The following ASCC3 variants were observed in gnomAD, a reference collection of about 807,000 sequenced individuals.
ASCC3 encodes activating signal cointegrator 1 complex subunit 3, also known as ASC-1 complex subunit P200.
A neutral mutation model predicts 256.3 loss-of-function variants in ASCC3; 158 were observed. That is an observed-to-expected ratio of 0.62 (90% CI 0.54 to 0.70). The LOEUF is 0.70. Ranked by LOEUF, ASCC3 falls within the 30% of genes least tolerant of loss-of-function variation. ASCC3 has a pLI of 0.00. For synonymous variants in ASCC3, 948 were observed against 883.4 expected, an observed-to-expected ratio of 1.07 and a Z score of -1.30; for missense variants, 2,259 against 2,626.0, an observed-to-expected ratio of 0.86 and a Z score of 3.05.
intron 8 of ASCC3, among the ~76,000 whole-genome samples, chr6:100,794,912 C>T (rs991737504): frequency 2.6e-5 from 4 of 151,990 alleles, no homozygotes; most frequent in African/African-American, 7.2e-5. Flanking sequence ...GAGTTTCTCA[C>T]CAAAAATATC....
chr6:100,803,540 T>G (rs1476421106), intron 5 of ASCC3, among the ~76,000 whole-genome samples: 1 of 152,132 alleles, frequency 6.6e-6, no homozygotes, highest in Non-Finnish European at 1.5e-5. Context: ...TTACCCAGTC[T>G]CAGGTAGTAT....
chr6:100,755,925 T>A (rs11155638), intron 10 of ASCC3, among the ~76,000 whole-genome samples: 70,995 of 151,806 alleles, frequency 0.47, 16,759 homozygotes, highest in South Asian at 0.6. Context: ...CAAACCTTTT[T>A]TGTAAAAAAA....
intron 4 of ASCC3, among the ~76,000 whole-genome samples, chr6:100,817,327 A>C (rs1770802001): frequency 6.6e-6 from 1 of 151,828 alleles, no homozygotes; most frequent in Non-Finnish European, 1.5e-5. Context: ...ATAAAGAAAA[A>C]GTGAGATCTC....
At chr6:100,836,973 C>T (rs1350821449) in intron 4 of ASCC3, among the ~76,000 whole-genome samples, 4 of 151,890 alleles carry the variant, frequency 2.6e-5, no homozygotes, top group Non-Finnish European at 5.9e-5. Flanking sequence ...GTAGGGTTTA[C>T]GTGTTTAGGA....
intron 13 of ASCC3, among the ~76,000 whole-genome samples, chr6:100,707,377 T>C (rs1300092417): frequency 6.6e-6 from 1 of 151,922 alleles, no homozygotes; most frequent in South Asian, 2.1e-4. Context: ...AGATAAACTA[T>C]AGGAATAAAA....
Position 100,576,418 on chromosome 6 carries a change from A to G in ASCC3, c.5550+13216T>C, listed in dbSNP as rs575772312. Among the ~76,000 whole-genome samples, 233 of 152,186 alleles carry G rather than the reference A, an allele frequency of 1.5e-3. 1 individual carries two copies. Among genetic ancestry groups the G allele is most frequent in the Non-Finnish European group, 3.0e-3 (203 of 67,974 alleles). On this transcript the variant is annotated intron_variant, in intron 36 of 41. Transcript: ENST00000369162. ...CTGGTTCTTTATTTTTTAAAAGTATATTTCTTACATGTCAATGCTTTAAAA... is the reference window on the plus strand; with the variant it reads ...CTGGTTCTTTATTTTTTAAAAGTATGTTTCTTACATGTCAATGCTTTAAAA...
chr6:100,796,191 C>T (rs936841598), intron 8 of ASCC3, among the ~76,000 whole-genome samples: 7 of 152,028 alleles, frequency 4.6e-5, no homozygotes, highest in African/African-American at 1.7e-4. Flanking sequence ...ACAGTGACAA[C>T]ACCAAATGCT....
In ASCC3 at chr6:100,581,425, G is replaced by C. The variant is rs531864517; in HGVS notation, c.5550+8209C>G. 2.6e-3 allele frequency among the ~76,000 whole-genome samples: 398 copies of C among 151,888 alleles called. 3 individuals are homozygous for C. The highest frequency in any genetic ancestry group is 9.3e-3 in the African/African-American group (383 of 41,282). On this transcript the variant is annotated intron_variant, in intron 36 of 41. Transcript: ENST00000369162. ...CATGTCCTTCACCCACTTTTTGATG[G>C]GGTTGTTTGTTTTTTTCTTGTAAAT...
rs1302985411 is a variant in ASCC3 at position 100,606,866 on chromosome 6, A to G, written c.4924-6T>C. On this transcript the variant is annotated splice_region_variant and splice_polypyrimidine_tract_variant and intron_variant, in intron 31 of 41. Coordinates refer to ENST00000369162, the MANE Select transcript of ASCC3 (RefSeq NM_006828.4). ...GTGCTTGTAGCAATAAGAACCTAAA[A>G]AGCAAAATAAAATATCTTATATCTA... 1.2e-6 allele frequency: 2 copies of G among 1,611,034 alleles called. No individual in the cohort carries two copies. Among genetic ancestry groups the G allele is most frequent in the Non-Finnish European group, 1.7e-6 (2 of 1,178,690 alleles).
chr6:100,623,865 T>G (rs1395406256), intron 30 of ASCC3, among the ~76,000 whole-genome samples: 8 of 151,834 alleles, frequency 5.3e-5, no homozygotes, highest in African/African-American at 9.7e-5. Flanking sequence ...GTCTTCTATT[T>G]GTAAAAAGAC....
chr6:100,742,482 T>A (rs1397992122), intron 10 of ASCC3, among the ~76,000 whole-genome samples: 1 of 151,964 alleles, frequency 6.6e-6, no homozygotes, highest in African/African-American at 2.4e-5. Flanking sequence ...CTGAATTGAC[T>A]GAACCAAGAA....
intron 16 of ASCC3, 134 bp from the exon 17 acceptor site, chr6:100,655,952 A>T: frequency 1.1e-6 from 1 of 914,550 alleles, no homozygotes; most frequent in Non-Finnish European, 1.7e-6. Flanking sequence ...AGGCATAGTG[A>T]CTGGACACAA....
At chr6:100,777,725 G>C (rs560605923) in intron 8 of ASCC3, among the ~76,000 whole-genome samples, 21 of 152,216 alleles carry the variant, frequency 1.4e-4, no homozygotes, top group South Asian at 8.3e-4. Context: ...TCAGGACTAA[G>C]TTGAAATGTT....
chr6:100,585,004 C>T (rs568108543), intron 36 of ASCC3, among the ~76,000 whole-genome samples: 251 of 152,194 alleles, frequency 1.6e-3, no homozygotes, highest in African/African-American at 5.6e-3. Flanking sequence ...CCTCTGGCTG[C>T]CCTTAACATT....
intron 5 of ASCC3, 27 bp from the exon 6 acceptor site, chr6:100,800,531 T>A (rs1428346087): frequency 1.3e-6 from 2 of 1,514,672 alleles, no homozygotes; most frequent in Non-Finnish European, 1.8e-6. Flanking sequence ...AGAAACACAA[T>A]GTTTTATAAA....
At position 100,612,738 on chromosome 6, in the gene ASCC3, T is replaced by C. The variant is rs1242144280; in HGVS notation, c.4786-5650A>G. The stretch of plus-strand genomic sequence containing the variant: ...GAAACATTTTACAGCATTCTACTGA[T>C]ACACTAATAAAAAAGAATTCAAGAA... On this transcript the variant is annotated intron_variant, in intron 30 of 41. Transcript: ENST00000369162. Among the ~76,000 whole-genome samples, 3 of 152,110 alleles carry C rather than the reference T, an allele frequency of 2.0e-5. No individual in the cohort carries two copies. The East Asian group carries it at 5.8e-4, about 29-fold the overall frequency.
intron 13 of ASCC3, among the ~76,000 whole-genome samples, chr6:100,695,273 A>G (rs150793392): frequency 7.3e-4 from 111 of 152,328 alleles, no homozygotes; most frequent in African/African-American, 2.6e-3. Flanking sequence ...GACATGATAA[A>G]TTAATGCAAT....
At chr6:100,603,955 G>A (rs1294991819) in intron 33 of ASCC3, among the ~76,000 whole-genome samples, 1 of 151,870 alleles carries the variant, frequency 6.6e-6, no homozygotes, top group Non-Finnish European at 1.5e-5. Flanking sequence ...AAAACAAGCT[G>A]GCAAGTATTC....
At chr6:100,728,337 CAG>C (rs1159698730) in intron 10 of ASCC3, among the ~76,000 whole-genome samples, 1 of 151,910 alleles carries the variant, frequency 6.6e-6, no homozygotes, top group African/African-American at 2.4e-5. Flanking sequence ...TAGAAAATAA[CAG>C]AGGATATGTT....
Sources: gnomAD v4.1 joint callset for allele counts (sites outside exome capture counted in the v4.1 genomes callset) on GRCh38, gnomAD v4.1.1 for gene constraint, MANE v1.5 for transcripts, NCBI Gene and HGNC (gene_info 2026-07-23, HGNC 2026-07-21) for gene names.